ALX4: variants seen among roughly 807,000 people sequenced by gnomAD.
ALX4 encodes ALX homeobox 4.
ALX4 carries 22 observed loss-of-function variants against 40.6 expected under a neutral mutation model. That is an observed-to-expected ratio of 0.54 (90% confidence interval 0.39 to 0.77). The LOEUF is 0.77. ALX4 is among the 30% of genes least tolerant of loss of function. The probability of loss-of-function intolerance (pLI) is 0.00; values close to 1 mark genes in which losing one functional copy is unlikely to be tolerated. For synonymous variants in ALX4, 266 were observed against 240.5 expected, an observed-to-expected ratio of 1.11 and a Z score of -0.98; for missense variants, 556 against 564.8, an observed-to-expected ratio of 0.98 and a Z score of 0.16.
Position 44,304,501 on chromosome 11 carries a change from C to A in ALX4, c.466+5096G>T, listed in dbSNP as rs181513292. Among the ~76,000 whole-genome samples, 1,132 of 152,266 alleles carry A rather than the reference C, an allele frequency of 7.4e-3. 5 individuals carry two copies. The highest frequency in any genetic ancestry group is 0.013 in the Non-Finnish European group (883 of 68,022). ...CTCACCAAGGCAGGGCGCGCCCCCCCCATGAATCATCCCAAGGCCTCTGAG... is the reference window on the plus strand; with the variant it reads ...CTCACCAAGGCAGGGCGCGCCCCCCACATGAATCATCCCAAGGCCTCTGAG... On this transcript the variant is annotated intron_variant, in intron 1 of 3. Transcript: ENST00000652299.
intron 2 of ALX4, among the ~76,000 whole-genome samples, chr11:44,269,820 T>C (rs1212772676): frequency 6.6e-6 from 1 of 152,196 alleles, no homozygotes; most frequent in East Asian, 1.9e-4. Flanking sequence ...GAGGAGCTTG[T>C]TTTCATTTCA....
chr11:44,284,771 T>C (rs1402596125), intron 1 of ALX4, among the ~76,000 whole-genome samples: 1 of 151,928 alleles, frequency 6.6e-6, no homozygotes, highest in Non-Finnish European at 1.5e-5. Flanking sequence ...CTCTCCTGTC[T>C]GTGGCTAACT....
At chr11:44,286,954 G>T (rs1201810061) in intron 1 of ALX4, among the ~76,000 whole-genome samples, 1 of 152,210 alleles carries the variant, frequency 6.6e-6, no homozygotes, top group African/African-American at 2.4e-5. Context: ...TCCAGAGAGG[G>T]TGGCGCACAG....
chr11:44,305,162 TAACA>T (rs1024351262), intron 1 of ALX4, among the ~76,000 whole-genome samples: 4 of 152,256 alleles, frequency 2.6e-5, no homozygotes, highest in African/African-American at 7.2e-5. Flanking sequence ...TCGTCCTAAC[TAACA>T]GTGTACACAT....
intron 2 of ALX4, among the ~76,000 whole-genome samples, chr11:44,268,236 G>A (rs1956224543): frequency 6.6e-6 from 1 of 152,204 alleles, no homozygotes; most frequent in Admixed American, 6.5e-5. Context: ...CAGGAGCTGG[G>A]CCTTGAATGG....
Position 44,267,578 on chromosome 11 carries a change from A to G in ALX4, c.822T>C (p.Arg274=). The change falls in exon 3 of 4, where the codon CGT becomes CGC. Residue 274 remains arginine, a synonymous_variant. Coordinates refer to ENST00000652299, the MANE Select transcript of ALX4 (RefSeq NM_021926.4). ...NRRAKWRKRE[R]FGQMQQVRTH... is the part of the protein sequence containing the mutation. ...TTCGAACCTGCTGCATCTGCCCAAA[A>G]CGCTCCCGCTTCCTCCACTTGGCCC... The G allele has an allele frequency of 6.2e-7, 1 of 1,614,046 alleles. No homozygotes were observed.
chr11:44,291,005 A>AC (rs1956365681), intron 1 of ALX4, among the ~76,000 whole-genome samples: 1 of 152,108 alleles, frequency 6.6e-6, no homozygotes, highest in East Asian at 1.9e-4. Flanking sequence ...CAACTGTGTC[A>AC]CCCCCACCTG....
chr11:44,309,540 T>G (rs1049488630), intron 1 of ALX4, 57 bp downstream of exon 1: 228 of 1,532,260 alleles, frequency 1.5e-4, no homozygotes, highest in Non-Finnish European at 1.9e-4. Flanking sequence ...TTTCAAGGGA[T>G]GCGGAAGCCA....
intron 2 of ALX4, among the ~76,000 whole-genome samples, chr11:44,269,421 G>C (rs539957507): frequency 6.6e-6 from 1 of 152,258 alleles, no homozygotes. Flanking sequence ...ATGTTACTGT[G>C]AGGAGGGTGG....
At chr11:44,281,120 C>CT (rs796184044) in intron 1 of ALX4, among the ~76,000 whole-genome samples, 151 of 146,968 alleles carry the variant, frequency 1.0e-3, no homozygotes, top group East Asian at 5.1e-3. Context: ...TTCTTTCTTT[C>CT]TTTTTTTTTT....
chr11:44,286,321 C>A (rs948944510), intron 1 of ALX4, among the ~76,000 whole-genome samples: 4 of 152,096 alleles, frequency 2.6e-5, no homozygotes, highest in African/African-American at 9.7e-5. Context: ...TGAATTCCTG[C>A]CAGGGAGGGG....
chr11:44,309,154 T>TCCGGCAGC (rs1554948162), intron 1 of ALX4, among the ~76,000 whole-genome samples: 9 of 109,668 alleles, frequency 8.2e-5, no homozygotes, highest in African/African-American at 2.9e-4. Context: ...AGTCCTGCTG[T>TCCGGCAGC]CCCGCAGCCC....
At chr11:44,299,114 G>A (rs995621468) in intron 1 of ALX4, among the ~76,000 whole-genome samples, 1 of 152,142 alleles carries the variant, frequency 6.6e-6, no homozygotes, top group African/African-American at 2.4e-5. Flanking sequence ...ACCTTGATCA[G>A]AGGTTCTCTC....
chr11:44,278,011 G>GTTT (rs34077997), intron 1 of ALX4, among the ~76,000 whole-genome samples: 3 of 141,894 alleles, frequency 2.1e-5, no homozygotes, highest in East Asian at 2.1e-4. Context: ...TATGTTTTAG[G>GTTT]TTTTTTTTTT....
intron 1 of ALX4, among the ~76,000 whole-genome samples, chr11:44,307,739 G>GA: frequency 6.6e-6 from 1 of 152,194 alleles, no homozygotes; most frequent in Non-Finnish European, 1.5e-5. Context: ...CAGCCAGTAC[G>GA]GACAGGGCTG....
At chr11:44,280,153 G>A (rs1956301014) in intron 1 of ALX4, among the ~76,000 whole-genome samples, 1 of 152,224 alleles carries the variant, frequency 6.6e-6, no homozygotes, top group Non-Finnish European at 1.5e-5. Context: ...AGCACAAACA[G>A]CAAAGGTCAC....
At chr11:44,289,424 G>T (rs759000325) in intron 1 of ALX4, among the ~76,000 whole-genome samples, 6 of 152,152 alleles carry the variant, frequency 3.9e-5, no homozygotes, top group Non-Finnish European at 8.8e-5. Context: ...ACCCTCCCCA[G>T]ATCCCATGAG....
Position 44,264,281 on chromosome 11 carries a change from G to A in ALX4, c.*573C>T, listed in dbSNP as rs554752826. ...CAGTCAGCCAGGCTCTGTCAGACTC[G>A]TCACTGTTCGGGGGGAGGTGGAGGC... On this transcript the variant is annotated 3_prime_UTR_variant, in exon 4 of 4. Transcript: ENST00000652299. 2.1e-4 allele frequency: 34 copies of A among 159,128 alleles called. No individual in the cohort carries two copies. The highest frequency in any genetic ancestry group is 3.9e-4 in the Non-Finnish European group (28 of 72,632). 9.9% of individuals were successfully genotyped at this position (159,128 alleles called of 1,614,324 possible).
intron 1 of ALX4, among the ~76,000 whole-genome samples, chr11:44,307,694 A>T (rs1956477196): frequency 6.6e-6 from 1 of 152,250 alleles, no homozygotes; most frequent in South Asian, 2.1e-4. Context: ...AATGACAGGG[A>T]CGAGCTGGGG....
Sources: gnomAD v4.1 joint callset for allele counts (sites outside exome capture counted in the v4.1 genomes callset) on GRCh38, gnomAD v4.1.1 for gene constraint, MANE v1.5 for transcripts, NCBI Gene and HGNC (gene_info 2026-07-23, HGNC 2026-07-21) for gene names.